Variants in USP38 observed in about 807,000 individuals in gnomAD.
The protein encoded by USP38 is ubiquitin specific peptidase 38, also known as ubiquitin carboxyl-terminal hydrolase 38.
USP38 carries 49 observed loss-of-function variants against 94.3 expected under a neutral mutation model. The ratio of observed to expected loss-of-function variants is 0.52; its 90% CI spans 0.41 to 0.66. The LOEUF (loss-of-function observed/expected upper bound fraction) is 0.66, where lower values mean the gene tolerates loss of function less well. Ranked by LOEUF, USP38 falls within the 30% of genes least tolerant of loss-of-function variation. USP38 has a pLI of 0.00. For synonymous variants in USP38, 468 were observed against 463.6 expected, an observed-to-expected ratio of 1.01 and a Z score of -0.12; for missense variants, 1,128 against 1,229.4, an observed-to-expected ratio of 0.92 and a Z score of 1.23.
At chr4:143,213,203 G>A (rs889636783) in intron 8 of USP38, among the ~76,000 whole-genome samples, 1 of 152,084 alleles carries the variant, frequency 6.6e-6, no homozygotes, top group African/African-American at 2.4e-5. Flanking sequence ...AGTTAGTTGG[G>A]CTTGGTATGT....
Position 143,213,543 on chromosome 4 carries a change from T to C in USP38, c.1605-38T>C, listed in dbSNP as rs1283230724. 6.0e-6 allele frequency: 9 copies of C among 1,503,346 alleles called. No individual in the cohort carries two copies. In the Admixed American group the frequency reaches 2.1e-4, roughly 35 times the overall value. The allele number at this position is 1,503,346 out of a possible 1,614,324, so 93.1% of individuals were successfully genotyped here. A position where few individuals can be genotyped will look rare whatever the true frequency, so the allele number is the denominator to read the frequency against. Reference sequence around the variant, plus strand: ...TTTAAATAGAAATGACATTTGAAGTTAATTTAAGTAGCTATATAATGATAT... The same window carrying C: ...TTTAAATAGAAATGACATTTGAAGTCAATTTAAGTAGCTATATAATGATAT... On this transcript the variant is annotated intron_variant, in intron 8 of 9. Transcript: ENST00000307017.
At chr4:143,195,659 CACTA>C (rs1392293994) in intron 2 of USP38, 53 bp from the exon 3 acceptor site, 13 of 1,518,988 alleles carry the variant, frequency 8.6e-6, no homozygotes, top group Non-Finnish European at 1.2e-5. Flanking sequence ...CTCTTGTTAT[CACTA>C]ACTAAATGAA....
chr4:143,214,457 A>G lies in USP38; in HGVS notation c.2481A>G (p.Ser827=). 2 of 1,613,674 alleles carry G rather than the reference A, an allele frequency of 1.2e-6. No individual in the cohort carries two copies. The highest frequency in any genetic ancestry group is 1.7e-6 in the Non-Finnish European group (2 of 1,179,820). ...SENLAKKLKP[S]GTDEASCTKL... is the part of the protein sequence containing the mutation. ...ACCTTGCTAAAAAATTAAAGCCTTCAGGGACTGATGAAGCTTCCTGCACAA... is the reference window on the plus strand; with the variant it reads ...ACCTTGCTAAAAAATTAAAGCCTTCGGGGACTGATGAAGCTTCCTGCACAA... The change falls in exon 9 of 10, where the codon TCA becomes TCG. Residue 827 remains serine, a synonymous_variant. Coordinates refer to ENST00000307017, the MANE Select transcript of USP38 (RefSeq NM_032557.6).
At position 143,214,387 on chromosome 4, in the gene USP38, C is replaced by G; in HGVS notation, c.2411C>G (p.Ser804Ter). 6.2e-7 allele frequency: 1 copy of G among 1,613,764 alleles called. No individual in the cohort carries two copies. Among genetic ancestry groups the G allele is most frequent in the Non-Finnish European group, 8.5e-7 (1 of 1,179,838 alleles). ...VKRITSFSSL[S>*]ESWSVDVDFT... ...AGAATTACTTCTTTCTCTTCATTGT[C>G]AGAAAGTTGGTCTGTAGATGTTGAC... Residue 804 changes from serine to a stop codon, truncating the protein, a stop_gained, in exon 9 of 10, where the codon TCA becomes TGA. Coordinates refer to ENST00000307017, the MANE Select transcript of USP38 (RefSeq NM_032557.6). LOFTEE classifies it high-confidence loss of function.
At chr4:143,197,485 G>T (rs1330118640) in intron 3 of USP38, among the ~76,000 whole-genome samples, 5 of 152,100 alleles carry the variant, frequency 3.3e-5, no homozygotes, top group Non-Finnish European at 7.4e-5. Context: ...CTAGTTCCTA[G>T]AACTAGGACA....
chr4:143,211,513 G>A (rs1050509815), intron 7 of USP38, among the ~76,000 whole-genome samples: 1 of 152,090 alleles, frequency 6.6e-6, no homozygotes, highest in Non-Finnish European at 1.5e-5. Context: ...TGAAGCCCAT[G>A]TTTAATGTAG....
chr4:143,213,973 C>G lies in USP38; in HGVS notation c.1997C>G (p.Ala666Gly), dbSNP rs142925072. The stretch of plus-strand genomic sequence containing the variant: ...GTAGTTTATAATCCAACAACAGCTG[C>G]CTTCATCTGTGACTCACTTGTGAAT... The part of the protein sequence containing the change: ...EPVVYNPTTA[A>G]FICDSLVNEK... Residue 666 changes from alanine to glycine, a missense_variant, in exon 9 of 10, where the codon GCC becomes GGC. By Grantham distance (60) the Ala-to-Gly change is moderately conservative. Transcript: ENST00000307017. 33 of 1,613,516 alleles carry G rather than the reference C, an allele frequency of 2.0e-5. No individual in the cohort carries two copies. The highest frequency in any genetic ancestry group is 2.7e-5 in the Non-Finnish European group (32 of 1,179,834).
Position 143,185,228 on chromosome 4 carries a change from A to T in USP38, c.-223A>T. 1.9e-6 allele frequency: 1 copy of T among 515,988 alleles called. No individual in the cohort carries two copies. Among genetic ancestry groups the T allele is most frequent in the Non-Finnish European group, 3.4e-6 (1 of 297,804 alleles). 32.0% of individuals were successfully genotyped at this position (515,988 alleles called of 1,614,324 possible). On this transcript the variant is annotated 5_prime_UTR_variant, in exon 1 of 10. Transcript: ENST00000307017. ...GCCTCTGGCGCCTTAGGCCAGCCGC[A>T]GGTGTCGGTTCTTAGGCTCTCCAGG...
At chr4:143,213,233 G>A (rs1005834279) in intron 8 of USP38, among the ~76,000 whole-genome samples, 47 of 152,128 alleles carry the variant, frequency 3.1e-4, no homozygotes, top group African/African-American at 1.1e-3. Context: ...CTTCCATTCA[G>A]CTAAGAATCT....
chr4:143,216,327 C>G (rs537022287), intron 9 of USP38, among the ~76,000 whole-genome samples: 1 of 152,122 alleles, frequency 6.6e-6, no homozygotes, highest in South Asian at 2.1e-4. Flanking sequence ...TAGATTCAAT[C>G]TTAAGTTTCA....
chr4:143,195,476 A>G (rs1731516667), intron 2 of USP38, among the ~76,000 whole-genome samples: 1 of 152,262 alleles, frequency 6.6e-6, no homozygotes, highest in South Asian at 2.1e-4. Flanking sequence ...AAAATAATTT[A>G]TCAGAAATTC....
At chr4:143,199,050 C>T (rs1183170660) in intron 4 of USP38, among the ~76,000 whole-genome samples, 6 of 152,022 alleles carry the variant, frequency 3.9e-5, no homozygotes, top group African/African-American at 1.4e-4. Flanking sequence ...ACTCATGTCA[C>T]ATGGGTTTGG....
chr4:143,212,201 G>T, intron 7 of USP38, 117 bp from the exon 8 acceptor site: 1 of 706,728 alleles, frequency 1.4e-6, no homozygotes, highest in Non-Finnish European at 2.2e-6. Flanking sequence ...CGGCACTTTT[G>T]GCTGATGCAA....
intron 3 of USP38, among the ~76,000 whole-genome samples, chr4:143,196,740 T>G (rs73850687): frequency 0.029 from 4,372 of 152,308 alleles, 188 homozygotes; most frequent in African/African-American, 0.1. Context: ...TTTTCTCCCT[T>G]GAACTCCATA....
intron 4 of USP38, among the ~76,000 whole-genome samples, chr4:143,202,131 G>A (rs568124753): frequency 6.6e-6 from 1 of 152,224 alleles, no homozygotes; most frequent in South Asian, 2.1e-4. Context: ...GATAAATGTG[G>A]CTTTATGCGA....
intron 1 of USP38, 54 bp downstream of exon 1, chr4:143,186,186 T>A (rs1731219165): frequency 6.5e-7 from 1 of 1,532,656 alleles, no homozygotes; most frequent in Non-Finnish European, 8.9e-7. Flanking sequence ...TATGTCTCTC[T>A]TGCACACACA....
At chr4:143,204,589 A>T in intron 5 of USP38, 2 of 335,144 alleles carry the variant, frequency 6.0e-6, no homozygotes, top group South Asian at 2.2e-5. Flanking sequence ...GGGCCTCACT[A>T]TGTTGCTCAG....
rs1428332981 is a variant in USP38 at position 143,220,645 on chromosome 4, A to G, written c.*189A>G. On this transcript the variant is annotated 3_prime_UTR_variant, in exon 10 of 10. Coordinates refer to ENST00000307017, the MANE Select transcript of USP38 (RefSeq NM_032557.6). ...AAATGCATCATGGAAAAAAAAATCT[A>G]CCTCTTAAAATTCCATTTGCTTTTA... The G allele has an allele frequency of 7.2e-6, 4 of 558,562 alleles. No individual in the cohort carries two copies. The highest frequency in any genetic ancestry group is 4.4e-5 in the Admixed American group (1 of 22,562). The allele number at this position is 558,562 out of a possible 1,614,324, so 34.6% of individuals were successfully genotyped here.
chr4:143,200,526 T>C (rs1002418901), intron 4 of USP38, among the ~76,000 whole-genome samples: 1 of 152,182 alleles, frequency 6.6e-6, no homozygotes, highest in African/African-American at 2.4e-5. Flanking sequence ...CTGGAAGTCC[T>C]AGCCAGAGCA....
Sources: allele counts gnomAD v4.1 joint callset (sites outside exome capture counted in the v4.1 genomes callset), GRCh38; gene constraint gnomAD v4.1.1; transcripts MANE v1.5; gene names NCBI Gene and HGNC (gene_info 2026-07-23, HGNC 2026-07-21).